OPRM1: variants seen among roughly 807,000 people sequenced by gnomAD.
OPRM1 encodes mu-type opioid receptor.
Under a neutral mutation model 31.8 loss-of-function variants are expected in OPRM1, and 27 were observed. The ratio of observed to expected loss-of-function variants is 0.85; its 90% CI spans 0.63 to 1.17. The LOEUF (loss-of-function observed/expected upper bound fraction) is 1.17, where lower values mean the gene tolerates loss of function less well. Among genes scored for constraint, OPRM1 ranks in the 50% most tolerant of loss-of-function variants. OPRM1 has a pLI of 0.00. For synonymous variants in OPRM1, 196 were observed against 189.9 expected (o/e 1.03, Z -0.26); for missense variants, 536 against 511.1 (o/e 1.05, Z -0.47).
chr6:154,231,607 G>A (rs1255246053), intron 3 of OPRM1, among the ~76,000 whole-genome samples: 1 of 152,214 alleles, frequency 6.6e-6, no homozygotes, highest in Non-Finnish European at 1.5e-5. Flanking sequence ...AAAGTAAGGT[G>A]CAGTACTATA....
chr6:154,055,408 A>C (rs566297747), intron 1 of OPRM1, among the ~76,000 whole-genome samples: 7,303 of 147,838 alleles, frequency 0.049, 320 homozygotes, highest in Admixed American at 0.15. Context: ...TGAATAAACA[A>C]AAAAAAAAAA....
chr6:154,244,475 T>A (rs1213661173), intron 3 of OPRM1, among the ~76,000 whole-genome samples: 2 of 152,210 alleles, frequency 1.3e-5, no homozygotes, highest in Non-Finnish European at 2.9e-5. Flanking sequence ...AATCTAACTG[T>A]ATTCAAGTAC....
chr6:154,176,153 G>C (rs926628711), intron 3 of OPRM1, among the ~76,000 whole-genome samples: 60 of 152,252 alleles, frequency 3.9e-4, no homozygotes, highest in African/African-American at 1.4e-3. Context: ...CAATAAACTA[G>C]GTATTGATGG....
chr6:154,151,005 A>C (rs947139660), intron 3 of OPRM1, among the ~76,000 whole-genome samples: 1 of 152,134 alleles, frequency 6.6e-6, no homozygotes, highest in Admixed American at 6.6e-5. Context: ...AATACCAGAG[A>C]CACTGCCCCA....
At position 154,123,213 on chromosome 6, in the gene OPRM1, C is replaced by A. The variant is rs572492702; in HGVS notation, c.*4492C>A. ...TATGCAGCTATGGGGTGTCTCTAGGCGAGCACAAAGCATAGCTTCTCTTGT... is the reference window on the plus strand; with the variant it reads ...TATGCAGCTATGGGGTGTCTCTAGGAGAGCACAAAGCATAGCTTCTCTTGT... On this transcript the variant is annotated 3_prime_UTR_variant, in exon 4 of 4. Transcript: ENST00000330432. 6.6e-6 allele frequency among the ~76,000 whole-genome samples: 1 copy of A among 152,064 alleles called. No homozygotes were observed. Among genetic ancestry groups the A allele is most frequent in the African/African-American group, 2.4e-5 (1 of 41,398 alleles).
At chr6:154,110,042 T>G (rs1050639926) in intron 3 of OPRM1, among the ~76,000 whole-genome samples, 1 of 152,204 alleles carries the variant, frequency 6.6e-6, no homozygotes, top group African/African-American at 2.4e-5. Context: ...TGGCAAGGTC[T>G]CATAATTCTA....
intron 3 of OPRM1, among the ~76,000 whole-genome samples, chr6:154,226,850 TC>T (rs1426239709): frequency 2.0e-5 from 3 of 151,734 alleles, no homozygotes; most frequent in Admixed American, 2.0e-4. Context: ...ATTTCATCTC[TC>T]CCCCTCCCCC....
In OPRM1 at chr6:154,130,591, C is replaced by T. The variant is rs1466630744; in HGVS notation, c.*11870C>T. Among the ~76,000 whole-genome samples, 2 of 151,928 alleles carry T rather than the reference C, an allele frequency of 1.3e-5. No individual in the cohort carries two copies. The highest frequency in any genetic ancestry group is 2.9e-5 in the Non-Finnish European group (2 of 68,008). ...GCTATATGAATATTTGCCTATAAAT[C>T]CCCATCAATTTAATAGGAATTAAGT... On this transcript the variant is annotated 3_prime_UTR_variant, in exon 4 of 4. Transcript: ENST00000330432.
At chr6:154,084,791 A>G (rs1790097637) in intron 1 of OPRM1, among the ~76,000 whole-genome samples, 1 of 152,100 alleles carries the variant, frequency 6.6e-6, no homozygotes, top group African/African-American at 2.4e-5. Flanking sequence ...CTACTTGGTA[A>G]AAAAAATGAA....
chr6:154,076,568 A>G (rs1330764918), intron 1 of OPRM1, among the ~76,000 whole-genome samples: 1 of 152,206 alleles, frequency 6.6e-6, no homozygotes, highest in African/African-American at 2.4e-5. Context: ...CTGTAATCCC[A>G]GCACTTTTGG....
At chr6:154,082,189 AAAT>A (rs1351154415) in intron 1 of OPRM1, among the ~76,000 whole-genome samples, 1 of 152,250 alleles carries the variant, frequency 6.6e-6, no homozygotes, top group Non-Finnish European at 1.5e-5. Context: ...TACACACAGA[AAAT>A]AAAATAACCC....
chr6:154,222,908 A>G, intron 3 of OPRM1: 1 of 499,330 alleles, frequency 2.0e-6, no homozygotes, highest in Non-Finnish European at 3.6e-6. Context: ...GGTTTATTCC[A>G]TCACAGACAC....
At chr6:154,220,295 A>C (rs1778758957) in intron 3 of OPRM1, among the ~76,000 whole-genome samples, 1 of 152,194 alleles carries the variant, frequency 6.6e-6, no homozygotes, top group African/African-American at 2.4e-5. Flanking sequence ...GAATTCTGAG[A>C]ATAGGGCTAA....
intron 1 of OPRM1, among the ~76,000 whole-genome samples, chr6:154,033,011 C>T (rs1779097685): frequency 6.6e-6 from 1 of 152,108 alleles, no homozygotes; most frequent in African/African-American, 2.4e-5. Context: ...AGGTTAAAAT[C>T]AAGACAAGAA....
At chr6:154,246,635 C>G in intron 3 of OPRM1, 1 of 1,614,054 alleles carries the variant, frequency 6.2e-7, no homozygotes, top group Non-Finnish European at 8.5e-7. Flanking sequence ...TTCAGTATCA[C>G]CCAGAACTTT....
chr6:154,235,855 C>T (rs989082371), intron 3 of OPRM1, among the ~76,000 whole-genome samples: 1 of 152,174 alleles, frequency 6.6e-6, no homozygotes, highest in Non-Finnish European at 1.5e-5. Flanking sequence ...TGGTACCTCA[C>T]AGCCATTAGG....
intron 3 of OPRM1, among the ~76,000 whole-genome samples, chr6:154,242,684 C>T (rs943139527): frequency 1.2e-4 from 18 of 152,060 alleles, no homozygotes; most frequent in East Asian, 1.9e-4. Flanking sequence ...GTCAGGAGTT[C>T]GAGACTAGCC....
At chr6:154,227,141 T>C (rs1199536939) in intron 3 of OPRM1, among the ~76,000 whole-genome samples, 1 of 151,898 alleles carries the variant, frequency 6.6e-6, no homozygotes, top group African/African-American at 2.4e-5. Flanking sequence ...GAGGCAGAGG[T>C]TGCAGTGAGC....
chr6:154,093,522 A>G (rs1792795238), intron 3 of OPRM1: 2 of 1,586,640 alleles, frequency 1.3e-6, no homozygotes, highest in Non-Finnish European at 8.6e-7. Context: ...CAGTATGGCT[A>G]TTGTACAGCC....
Sources: allele counts gnomAD v4.1 joint callset (sites outside exome capture counted in the v4.1 genomes callset), GRCh38; gene constraint gnomAD v4.1.1; transcripts MANE v1.5; gene names NCBI Gene and HGNC (gene_info 2026-07-23, HGNC 2026-07-21).